Variants in AK7 observed in about 807,000 individuals in gnomAD.
AK7 encodes the protein adenylate kinase 7.
A neutral mutation model predicts 96.6 loss-of-function variants in AK7; 78 were observed. The ratio of observed to expected loss-of-function variants is 0.81; its 90% CI spans 0.67 to 0.97. The LOEUF is 0.97. Ranked by LOEUF, AK7 falls within the 50% of genes least tolerant of loss-of-function variation. AK7 has a pLI of 0.00. For missense variants in AK7, 855 were observed against 887.9 expected (o/e 0.96, Z 0.47); for synonymous variants, 302 against 317.2 (o/e 0.95, Z 0.51).
chr14:96,446,198 G>GCCGGTCCTGCTGGGGA (rs1406448961), intron 7 of AK7, among the ~76,000 whole-genome samples: 2 of 152,200 alleles, frequency 1.3e-5, no homozygotes, highest in African/African-American at 4.8e-5. Context: ...CCTGCTGGGG[G>GCCGGTCCTGCTGGGGA]CAGTTCCCCT....
intron 5 of AK7, among the ~76,000 whole-genome samples, chr14:96,424,539 T>C (rs1009152733): frequency 2.0e-5 from 3 of 152,060 alleles, no homozygotes; most frequent in East Asian, 1.9e-4. Flanking sequence ...TTGTTCCCAT[T>C]AGTGGAAGAC....
chr14:96,408,409 A>G (rs887900919), intron 3 of AK7, among the ~76,000 whole-genome samples: 4 of 152,190 alleles, frequency 2.6e-5, no homozygotes, highest in Non-Finnish European at 5.9e-5. Flanking sequence ...CAGAATACCT[A>G]TCTCATAGTG....
intron 2 of AK7, among the ~76,000 whole-genome samples, chr14:96,402,832 T>C (rs1890492109): frequency 6.7e-6 from 1 of 150,090 alleles, no homozygotes; most frequent in Non-Finnish European, 1.5e-5. Context: ...GGAAATCCAA[T>C]TAAATGGAGG....
intron 5 of AK7, among the ~76,000 whole-genome samples, chr14:96,435,993 C>G (rs946150015): frequency 6.6e-6 from 1 of 152,108 alleles, no homozygotes; most frequent in Non-Finnish European, 1.5e-5. Context: ...TGAGGGCTCA[C>G]CTGATTTTTG....
At chr14:96,455,617 C>CACAATGCCCTGT (rs1893853193) in intron 10 of AK7, among the ~76,000 whole-genome samples, 1 of 152,210 alleles carries the variant, frequency 6.6e-6, no homozygotes, top group South Asian at 2.1e-4. Context: ...CCAAAGGTAG[C>CACAATGCCCTGT]ACAATGCCCT....
At chr14:96,450,289 G>T (rs1893516739) in intron 9 of AK7, among the ~76,000 whole-genome samples, 1 of 152,038 alleles carries the variant, frequency 6.6e-6, no homozygotes, top group African/African-American at 2.4e-5. Context: ...GGTGACACAT[G>T]CCTGTAATCC....
intron 14 of AK7, among the ~76,000 whole-genome samples, chr14:96,476,677 ATCT>A (rs1338652067): frequency 1.3e-5 from 2 of 152,174 alleles, no homozygotes; most frequent in Non-Finnish European, 2.9e-5. Flanking sequence ...ATACTGCAGA[ATCT>A]TGAAGTTCTC....
At chr14:96,405,124 T>A (rs1432519957) in intron 3 of AK7, 2 of 201,712 alleles carry the variant, frequency 9.9e-6, no homozygotes, top group African/African-American at 4.6e-5. Context: ...GGTGGGAGGA[T>A]TATTGAGCCC....
At chr14:96,423,720 A>G (rs1263389047) in intron 5 of AK7, 12 of 701,958 alleles carry the variant, frequency 1.7e-5, no homozygotes, top group African/African-American at 7.1e-5. Context: ...TGCTCCTACA[A>G]TTTGGGCACA....
At chr14:96,483,884 C>G (rs1430567570) in intron 16 of AK7, among the ~76,000 whole-genome samples, 3 of 152,076 alleles carry the variant, frequency 2.0e-5, no homozygotes, top group Non-Finnish European at 4.4e-5. Context: ...TTCTTTCCAC[C>G]CCTCCTCATT....
At chr14:96,470,959 G>A (rs540758933) in intron 12 of AK7, among the ~76,000 whole-genome samples, 148 of 152,248 alleles carry the variant, frequency 9.7e-4, no homozygotes, top group African/African-American at 3.3e-3. Context: ...ATCGGCACTC[G>A]CCCATGCTCT....
chr14:96,451,382 C>G, intron 9 of AK7, 39 bp from the exon 10 acceptor site: 1 of 1,494,500 alleles, frequency 6.7e-7, no homozygotes, highest in Non-Finnish European at 9.0e-7. Flanking sequence ...CAGAATTAAA[C>G]AAAAAAAGAC....
intron 4 of AK7, among the ~76,000 whole-genome samples, chr14:96,419,500 T>C (rs1397151782): frequency 6.6e-6 from 1 of 151,638 alleles, no homozygotes; most frequent in African/African-American, 2.4e-5. Context: ...GGCATGGAGG[T>C]GTGTGCCTAT....
At position 96,442,663 on chromosome 14, in the gene AK7, T is replaced by TA; in HGVS notation, c.691-66dup. On this transcript the variant is annotated intron_variant, in intron 6 of 17. Transcript: ENST00000267584. ...TTTCAGTTGCCTCTGACTGTAGACT[T>TA]ATGTGTGAGCTGTAATAGCCATCCA... 16 of 1,219,768 alleles carry TA rather than the reference T, an allele frequency of 1.3e-5. 1 individual carries two copies. In the South Asian group the frequency reaches 1.9e-4, roughly 15 times the overall value. 75.6% of individuals were successfully genotyped at this position (1,219,768 alleles called of 1,614,324 possible).
chr14:96,426,546 T>A (rs1287155403), intron 5 of AK7, among the ~76,000 whole-genome samples: 1 of 152,210 alleles, frequency 6.6e-6, no homozygotes, highest in African/African-American at 2.4e-5. Context: ...ATTAATGTCT[T>A]TTTCTTTCTG....
intron 12 of AK7, among the ~76,000 whole-genome samples, chr14:96,460,628 T>C (rs951488689): frequency 6.6e-6 from 1 of 152,146 alleles, no homozygotes; most frequent in Non-Finnish European, 1.5e-5. Context: ...CCCTTTGCCA[T>C]AGAGGTTGTC....
At chr14:96,447,364 G>C (rs1171731322) in intron 8 of AK7, among the ~76,000 whole-genome samples, 1 of 152,146 alleles carries the variant, frequency 6.6e-6, no homozygotes, top group East Asian at 1.9e-4. Flanking sequence ...GCCCAGGCTG[G>C]AGTGCCGTGG....
chr14:96,434,902 G>T (rs753320341), intron 5 of AK7, among the ~76,000 whole-genome samples: 2 of 152,146 alleles, frequency 1.3e-5, no homozygotes, highest in Non-Finnish European at 2.9e-5. Context: ...ACAGACTAGT[G>T]CTGATGTTCC....
At chr14:96,395,084 C>T (rs976274721) in intron 1 of AK7, among the ~76,000 whole-genome samples, 8 of 152,154 alleles carry the variant, frequency 5.3e-5, no homozygotes, top group South Asian at 2.1e-4. Flanking sequence ...AGGCTGGACT[C>T]GAGCTCCTGG....
Sources: gnomAD v4.1 joint callset for allele counts (sites outside exome capture counted in the v4.1 genomes callset) on GRCh38, gnomAD v4.1.1 for gene constraint, MANE v1.5 for transcripts, NCBI Gene and HGNC (gene_info 2026-07-23, HGNC 2026-07-21) for gene names.